Variants in CNTNAP5 observed in about 807,000 individuals in gnomAD.
CNTNAP5 encodes contactin associated protein family member 5, also known as contactin-associated protein-like 5.
A neutral mutation model predicts 150.2 loss-of-function variants in CNTNAP5; 72 were observed. The observed-to-expected ratio is 0.48, with a 90% CI of 0.40 to 0.58. The LOEUF (loss-of-function observed/expected upper bound fraction) is 0.58. Among genes scored for constraint, CNTNAP5 ranks in the 20% least tolerant of loss-of-function variants. CNTNAP5 has a pLI of 0.00. For missense variants in CNTNAP5, 1,636 were observed against 1,626.2 expected, an observed-to-expected ratio of 1.01 and a Z score of -0.10; for synonymous variants, 672 against 619.8, an observed-to-expected ratio of 1.08 and a Z score of -1.25.
At chr2:124,473,501 C>G (rs1198800200) in intron 6 of CNTNAP5, among the ~76,000 whole-genome samples, 1 of 151,940 alleles carries the variant, frequency 6.6e-6, no homozygotes, top group Non-Finnish European at 1.5e-5. Context: ...TTAAGAAACA[C>G]TTTTTTACTA....
At chr2:124,097,097 T>C (rs1357721870) in intron 1 of CNTNAP5, among the ~76,000 whole-genome samples, 1 of 152,218 alleles carries the variant, frequency 6.6e-6, no homozygotes, top group Non-Finnish European at 1.5e-5. Flanking sequence ...AACTCGAATT[T>C]GGGTATTCTT....
At chr2:124,208,134 A>C (rs1685911163) in intron 1 of CNTNAP5, among the ~76,000 whole-genome samples, 1 of 152,172 alleles carries the variant, frequency 6.6e-6, no homozygotes, top group African/African-American at 2.4e-5. Flanking sequence ...TTATATTTGA[A>C]TACCTGGTAG....
chr2:124,311,105 C>A (rs1252775839), intron 3 of CNTNAP5, among the ~76,000 whole-genome samples: 1 of 152,146 alleles, frequency 6.6e-6, no homozygotes, highest in East Asian at 1.9e-4. Flanking sequence ...CCTAAGAATC[C>A]CTTCAGATGA....
chr2:124,177,848 T>C (rs1403784285), intron 1 of CNTNAP5, among the ~76,000 whole-genome samples: 2 of 143,592 alleles, frequency 1.4e-5, no homozygotes, highest in Admixed American at 1.4e-4. Context: ...GTTTATGGTT[T>C]ACTTTTTTTT....
At position 124,918,549 on chromosome 2, in the gene CNTNAP5, G is replaced by A. The variant is rs2104775900; in HGVS notation, c.*4261G>A. ...AACTTATCCAGTCCAAGATATCCAG[G>A]GAGATGAGGATGAGACCTGTTGAAT... On this transcript the variant is annotated 3_prime_UTR_variant, in exon 24 of 24. Coordinates refer to ENST00000682447, the MANE Select transcript of CNTNAP5 (RefSeq NM_001367498.1). Among the ~76,000 whole-genome samples, 1 of 152,112 alleles carries A rather than the reference G, an allele frequency of 6.6e-6. No individual in the cohort carries two copies. The highest frequency in any genetic ancestry group is 2.1e-4 in the South Asian group (1 of 4,828).
chr2:124,342,115 T>A (rs1006232312), intron 3 of CNTNAP5, among the ~76,000 whole-genome samples: 4 of 152,170 alleles, frequency 2.6e-5, no homozygotes, highest in African/African-American at 9.6e-5. Context: ...CTGAAACATG[T>A]GTTTTCTCTC....
intron 1 of CNTNAP5, among the ~76,000 whole-genome samples, chr2:124,027,904 A>G (rs755324054): frequency 6.6e-5 from 10 of 152,220 alleles, no homozygotes; most frequent in South Asian, 2.1e-4. Context: ...TTCATAACCT[A>G]TGATGCAGAA....
intron 10 of CNTNAP5, among the ~76,000 whole-genome samples, chr2:124,531,149 G>A (rs1695096922): frequency 6.6e-6 from 1 of 152,050 alleles, no homozygotes; most frequent in Non-Finnish European, 1.5e-5. Context: ...CAGATCATCA[G>A]GCATTAGATT....
chr2:124,661,146 TA>T (rs540974030), intron 13 of CNTNAP5, among the ~76,000 whole-genome samples: 2 of 151,962 alleles, frequency 1.3e-5, no homozygotes, highest in Non-Finnish European at 1.5e-5. Context: ...ACACTACATT[TA>T]AAAAAATATT....
At chr2:124,754,453 C>T (rs886319594) in intron 14 of CNTNAP5, among the ~76,000 whole-genome samples, 9 of 152,074 alleles carry the variant, frequency 5.9e-5, no homozygotes, top group African/African-American at 1.9e-4. Flanking sequence ...AACTAATCAG[C>T]GCCAGCCTCT....
intron 3 of CNTNAP5, among the ~76,000 whole-genome samples, chr2:124,301,107 G>A (rs1423446861): frequency 6.6e-6 from 1 of 152,130 alleles, no homozygotes; most frequent in Admixed American, 6.6e-5. Flanking sequence ...TTGGGATTAG[G>A]CATCACGTGC....
In CNTNAP5 at chr2:124,285,991, GTTA is replaced by G. The variant is rs528629818; in HGVS notation, c.381+43602_381+43604del. Among the ~76,000 whole-genome samples the G allele has an allele frequency of 3.3e-5, 5 of 152,066 alleles. No homozygotes were observed. The East Asian group carries it at 9.7e-4, about 29-fold the overall frequency. On this transcript the variant is annotated intron_variant, in intron 3 of 23. Coordinates refer to ENST00000682447, the MANE Select transcript of CNTNAP5 (RefSeq NM_001367498.1). ...TTTTATTCAGGTGATAAAATATTTTGTTATTAATAATATTTTCATTGAGTCAAT... is the reference window on the plus strand; with the variant it reads ...TTTTATTCAGGTGATAAAATATTTTGTTAATAATATTTTCATTGAGTCAAT...
At chr2:124,051,039 A>T (rs1681681982) in intron 1 of CNTNAP5, among the ~76,000 whole-genome samples, 1 of 152,230 alleles carries the variant, frequency 6.6e-6, no homozygotes, top group African/African-American at 2.4e-5. Context: ...ATATTCAATC[A>T]TTCGGTTAAT....
chr2:124,340,800 T>A (rs903085140), intron 3 of CNTNAP5, among the ~76,000 whole-genome samples: 3 of 112,040 alleles, frequency 2.7e-5, no homozygotes, highest in Non-Finnish European at 5.7e-5. Context: ...CATATATATA[T>A]GTATACATGT....
At position 124,483,450 on chromosome 2, in the gene CNTNAP5, C is replaced by T. The variant is rs374211806; in HGVS notation, c.1062+8568C>T. ...CATACCCTCCATGCCTTATCAACTC[C>T]AGGCATTGTGGAGCACAGTGCTGAG... is the stretch of plus-strand genomic sequence containing the variant. On this transcript the variant is annotated intron_variant, in intron 7 of 23. Transcript: ENST00000682447. Among the ~76,000 whole-genome samples, 178 of 152,294 alleles carry T rather than the reference C, an allele frequency of 1.2e-3. 4 individuals carry two copies. In the South Asian group the frequency reaches 0.034, roughly 29 times the overall value.
At chr2:124,579,425 A>G (rs1696362784) in intron 11 of CNTNAP5, among the ~76,000 whole-genome samples, 1 of 152,248 alleles carries the variant, frequency 6.6e-6, no homozygotes, top group South Asian at 2.1e-4. Context: ...TTGTCCATGG[A>G]GAAATACATC....
chr2:124,164,471 T>G (rs931071234), intron 1 of CNTNAP5, among the ~76,000 whole-genome samples: 6 of 152,214 alleles, frequency 3.9e-5, no homozygotes, highest in African/African-American at 1.4e-4. Context: ...CTGTTTTATA[T>G]GTATATATAC....
At chr2:124,179,348 C>T (rs149634780) in intron 1 of CNTNAP5, among the ~76,000 whole-genome samples, 1,632 of 151,976 alleles carry the variant, frequency 0.011, 31 homozygotes, top group African/African-American at 0.036. Flanking sequence ...TTTGTAGAGA[C>T]GAGGTTTTGC....
At chr2:124,150,339 G>C (rs1231555149) in intron 1 of CNTNAP5, among the ~76,000 whole-genome samples, 1 of 152,128 alleles carries the variant, frequency 6.6e-6, no homozygotes, top group Non-Finnish European at 1.5e-5. Context: ...TGCATTCATT[G>C]ACTAACTTAC....
Sources: allele counts gnomAD v4.1 joint callset (sites outside exome capture counted in the v4.1 genomes callset), GRCh38; gene constraint gnomAD v4.1.1; transcripts MANE v1.5; gene names NCBI Gene and HGNC (gene_info 2026-07-23, HGNC 2026-07-21).